SSPN: variants seen among roughly 807,000 people sequenced by gnomAD.
SSPN encodes sarcospan, also known as K-ras oncogene-associated protein.
In SSPN, 15 loss-of-function variants were observed where a neutral mutation model predicts 19.1. The ratio of observed to expected loss-of-function variants is 0.78; its 90% CI spans 0.52 to 1.21. The LOEUF is 1.21. Ranked by LOEUF, SSPN falls within the 50% of genes most tolerant of loss-of-function variation. SSPN has a pLI of 0.00. For synonymous variants in SSPN, 147 were observed against 140.3 expected (o/e 1.05, Z -0.34); for missense variants, 291 against 314.0 (o/e 0.93, Z 0.55).
At chr12:26,165,998 C>T (rs1452274346) in intron 1 of SSPN, among the ~76,000 whole-genome samples, 1 of 152,166 alleles carries the variant, frequency 6.6e-6, no homozygotes, top group Non-Finnish European at 1.5e-5. Flanking sequence ...ACAGCCCTGT[C>T]ACTCTAAACT....
intron 1 of SSPN, among the ~76,000 whole-genome samples, chr12:26,201,375 A>G (rs1325483620): frequency 6.6e-6 from 1 of 151,446 alleles, no homozygotes; most frequent in Non-Finnish European, 1.5e-5. Context: ...GAGACCCCAT[A>G]ACAGAAAAAA....
Position 26,124,514 on chromosome 12 carries a change from C to T in SSPN, c.-31+2362C>T, listed in dbSNP as rs201214865. 9 of 1,613,892 alleles carry T rather than the reference C, an allele frequency of 5.6e-6. No individual in the cohort carries two copies. The Admixed American group carries it at 1.0e-4, about 18-fold the overall frequency. On this transcript the variant is annotated intron_variant, in intron 1 of 2. Coordinates refer to the SSPN transcript ENST00000538142. ...TTATGAGGAATATCGGGAACTTACA[C>T]TTACCTTGGTGTCGTCTCGTTTCAT...
At chr12:26,200,404 G>C (rs1459853540) in intron 1 of SSPN, among the ~76,000 whole-genome samples, 1 of 152,134 alleles carries the variant, frequency 6.6e-6, no homozygotes, top group African/African-American at 2.4e-5. Context: ...TTTAAAAACC[G>C]ATTTTAAGTC....
intron 1 of SSPN, among the ~76,000 whole-genome samples, chr12:26,223,989 C>A (rs767069776): frequency 6.6e-6 from 1 of 152,106 alleles, no homozygotes; most frequent in African/African-American, 2.4e-5. Flanking sequence ...TGGCTTTCAC[C>A]GGATTGTAAA....
intron 1 of SSPN, among the ~76,000 whole-genome samples, chr12:26,175,113 A>T (rs942778641): frequency 1.3e-5 from 2 of 152,216 alleles, no homozygotes; most frequent in East Asian, 3.8e-4. Context: ...ACTTTTTAAG[A>T]AATTACCAAA....
Position 26,231,039 on chromosome 12 carries a change from C to A in SSPN, c.695C>A (p.Ser232Tyr), listed in dbSNP as rs1451777874. Residue 232 changes from serine (S) to tyrosine (Y), a missense_variant, in exon 3 of 3, where the codon TCC (serine) becomes TAC (tyrosine). Physicochemically the swap from Ser to Tyr is moderately radical, Grantham distance 144 (BLOSUM62 -2). Transcript: ENST00000242729. ...TTCTATGTGGGTGTCAGGATATGCTCCCTCACGGCTTCCGAAGGCCCCCAG... is the reference window on the plus strand; with the variant it reads ...TTCTATGTGGGTGTCAGGATATGCTACCTCACGGCTTCCGAAGGCCCCCAG... The part of the protein sequence containing the change: ...QVFYVGVRIC[S>Y]LTASEGPQQK... 2 of 1,613,760 alleles carry A rather than the reference C, an allele frequency of 1.2e-6. No individual in the cohort carries two copies. The highest frequency in any genetic ancestry group is 1.7e-6 in the Non-Finnish European group (2 of 1,179,834).
At chr12:26,220,045 C>T (rs923960118) in intron 1 of SSPN, among the ~76,000 whole-genome samples, 4 of 152,084 alleles carry the variant, frequency 2.6e-5, no homozygotes, top group Non-Finnish European at 4.4e-5. Flanking sequence ...GCCAGAATGC[C>T]GTGTCTTCCT....
chr12:26,147,811 TA>T (rs1944501878), intron 1 of SSPN, among the ~76,000 whole-genome samples: 1 of 152,018 alleles, frequency 6.6e-6, no homozygotes, highest in Non-Finnish European at 1.5e-5. Context: ...GTTCTATGGG[TA>T]GGTGGTTAGG....
chr12:26,169,812 G>A (rs76659632), intron 1 of SSPN, among the ~76,000 whole-genome samples: 338 of 152,202 alleles, frequency 2.2e-3, no homozygotes, highest in African/African-American at 7.7e-3. Context: ...CAGCAGGTAA[G>A]GTTTTAGAAA....
At chr12:26,154,541 T>C (rs1944545097) in intron 1 of SSPN, among the ~76,000 whole-genome samples, 1 of 152,174 alleles carries the variant, frequency 6.6e-6, no homozygotes, top group Non-Finnish European at 1.5e-5. Context: ...GGCTTTGGAA[T>C]CAGACAAATG....
At chr12:26,152,256 A>T (rs12322009) in intron 1 of SSPN, among the ~76,000 whole-genome samples, 1 of 152,214 alleles carries the variant, frequency 6.6e-6, no homozygotes, top group South Asian at 2.1e-4. Flanking sequence ...GCTTACCATT[A>T]TGTAATATTT....
At chr12:26,194,315 A>G (rs886531400), upstream of SSPN, among the ~76,000 whole-genome samples, 13 of 152,226 alleles carry the variant, frequency 8.5e-5, no homozygotes, top group Non-Finnish European at 1.9e-4. Context: ...TTTAAAAATA[A>G]CTCTTAAATA....
In SSPN at chr12:26,232,336, G is replaced by A. The variant is rs1334830296; in HGVS notation, c.*1260G>A. ...TGTTTTTAAGTGACTGTGGTTTAAA[G>A]CACAAATGCCCCAAGGTGGGGAGAC... is the stretch of plus-strand genomic sequence containing the variant. On this transcript the variant is annotated 3_prime_UTR_variant, in exon 3 of 3. Coordinates refer to ENST00000242729, the MANE Select transcript of SSPN (RefSeq NM_005086.5). The A allele has an allele frequency of 2.0e-6, 2 of 985,184 alleles. No homozygotes were observed. Among genetic ancestry groups the A allele is most frequent in the Non-Finnish European group, 2.4e-6 (2 of 829,908 alleles). 61.0% of individuals were successfully genotyped at this position (985,184 alleles called of 1,614,324 possible).
chr12:26,161,440 T>C (rs1944588248), intron 1 of SSPN, among the ~76,000 whole-genome samples: 1 of 152,168 alleles, frequency 6.6e-6, no homozygotes, highest in African/African-American at 2.4e-5. Context: ...TGCTCAACTC[T>C]TTCCCTGCCC....
At chr12:26,137,826 C>T (rs907555706) in intron 1 of SSPN, among the ~76,000 whole-genome samples, 18 of 150,870 alleles carry the variant, frequency 1.2e-4, no homozygotes, top group African/African-American at 9.8e-5. Context: ...CCACCACGCC[C>T]GGCTAATTTT....
At chr12:26,192,795 G>A (rs1944797319), upstream of SSPN, among the ~76,000 whole-genome samples, 1 of 152,170 alleles carries the variant, frequency 6.6e-6, no homozygotes, top group African/African-American at 2.4e-5. Flanking sequence ...GTGTCTCAGT[G>A]AGGCAATCAA....
At chr12:26,166,992 C>T (rs1221830191) in intron 1 of SSPN, among the ~76,000 whole-genome samples, 1 of 152,158 alleles carries the variant, frequency 6.6e-6, no homozygotes, top group East Asian at 1.9e-4. Flanking sequence ...TTGGAATATC[C>T]ACTCAATGGA....
intron 1 of SSPN, among the ~76,000 whole-genome samples, chr12:26,156,638 T>A (rs1412411566): frequency 6.6e-6 from 1 of 152,030 alleles, no homozygotes; most frequent in East Asian, 1.9e-4. Context: ...CCCCTGACAA[T>A]GACAAGAAAG....
At position 26,232,113 on chromosome 12, in the gene SSPN, G is replaced by T. The variant is rs1945240816; in HGVS notation, c.*1037G>T. On this transcript the variant is annotated 3_prime_UTR_variant, in exon 3 of 3. Transcript: ENST00000242729. Reference sequence around the variant, plus strand: ...ACAAACAGCACATTTGTGATATGTTGAAAAGCATCTCTCTTGGCAACCAAT... The same window carrying T: ...ACAAACAGCACATTTGTGATATGTTTAAAAGCATCTCTCTTGGCAACCAAT... 1 of 985,318 alleles carries T rather than the reference G, an allele frequency of 1.0e-6. No homozygotes were observed. Among genetic ancestry groups the T allele is most frequent in the African/African-American group, 1.7e-5 (1 of 57,238 alleles). The allele number at this position is 985,318 out of a possible 1,614,324, so 61.0% of individuals were successfully genotyped here.
Sources: gnomAD v4.1 joint callset for allele counts (sites outside exome capture counted in the v4.1 genomes callset) on GRCh38, gnomAD v4.1.1 for gene constraint, MANE v1.5 for transcripts, NCBI Gene and HGNC (gene_info 2026-07-23, HGNC 2026-07-21) for gene names.